Variants in ASCC3 observed in about 807,000 individuals in gnomAD.
ASCC3 encodes activating signal cointegrator 1 complex subunit 3, also known as ASC-1 complex subunit P200.
ASCC3 carries 158 observed loss-of-function variants against 256.3 expected under a neutral mutation model. The observed-to-expected ratio is 0.62, with a 90% CI of 0.54 to 0.70. The LOEUF is 0.70. Among genes scored for constraint, ASCC3 ranks in the 30% least tolerant of loss-of-function variants. ASCC3 has a pLI of 0.00. For synonymous variants in ASCC3, 948 were observed against 883.4 expected (o/e 1.07, Z -1.30); for missense variants, 2,259 against 2,626.0 (o/e 0.86, Z 3.05).
chr6:100,691,807 A>AT (rs1777863241), intron 13 of ASCC3, among the ~76,000 whole-genome samples: 1 of 151,996 alleles, frequency 6.6e-6, no homozygotes, highest in Admixed American at 6.6e-5. Context: ...CTTGTGCTGA[A>AT]TATCAGCAGT....
intron 4 of ASCC3, among the ~76,000 whole-genome samples, chr6:100,829,350 G>A (rs906198339): frequency 1.3e-5 from 2 of 151,812 alleles, no homozygotes; most frequent in Admixed American, 1.3e-4. Flanking sequence ...CAGGCATGGC[G>A]GGCTGCAGGT....
intron 36 of ASCC3, among the ~76,000 whole-genome samples, chr6:100,558,083 A>T (rs947137744): frequency 6.6e-6 from 1 of 151,788 alleles, no homozygotes. Flanking sequence ...AAAAAAAAAA[A>T]ACAAGGACAG....
chr6:100,864,949 T>C (rs1398379461), intron 2 of ASCC3, among the ~76,000 whole-genome samples: 1 of 152,150 alleles, frequency 6.6e-6, no homozygotes, highest in Non-Finnish European at 1.5e-5. Context: ...CTTTGATCCA[T>C]AGAGAAAACT....
chr6:100,555,226 CTACAA>C (rs1224815462), intron 36 of ASCC3, among the ~76,000 whole-genome samples: 7 of 152,028 alleles, frequency 4.6e-5, no homozygotes, highest in Admixed American at 2.6e-4. Flanking sequence ...GTTTACTCCA[CTACAA>C]TAAAGTATCA....
At chr6:100,879,680 TTGAGGTAGAAAC>T (rs1437661168) in intron 1 of ASCC3, among the ~76,000 whole-genome samples, 5 of 152,104 alleles carry the variant, frequency 3.3e-5, no homozygotes, top group African/African-American at 4.8e-5. Flanking sequence ...TTTATTTTTT[TTGAGGTAGAAAC>T]TGAGGTAGAA....
At chr6:100,622,545 T>C (rs144196145) in intron 30 of ASCC3, among the ~76,000 whole-genome samples, 4 of 152,190 alleles carry the variant, frequency 2.6e-5, no homozygotes, top group Admixed American at 2.0e-4. Flanking sequence ...TAGTTCTTTA[T>C]AGCAGTATGA....
chr6:100,693,981 A>C (rs1418318153), intron 13 of ASCC3, among the ~76,000 whole-genome samples: 1 of 152,138 alleles, frequency 6.6e-6, no homozygotes, highest in East Asian at 1.9e-4. Context: ...CATGACAGCA[A>C]TTCCTGTGAC....
intron 10 of ASCC3, among the ~76,000 whole-genome samples, chr6:100,753,947 T>C (rs1414734): frequency 0.46 from 69,435 of 151,968 alleles, 16,279 homozygotes; most frequent in Middle Eastern, 0.6. Flanking sequence ...TATATGACAC[T>C]GCAATTTCTT....
chr6:100,871,756 T>C (rs576019209), intron 1 of ASCC3, among the ~76,000 whole-genome samples: 2 of 152,296 alleles, frequency 1.3e-5, no homozygotes, highest in African/African-American at 2.4e-5. Flanking sequence ...CAGAAATCCA[T>C]GGCCTGAATT....
intron 8 of ASCC3, among the ~76,000 whole-genome samples, chr6:100,789,366 A>C (rs1019558315): frequency 6.6e-6 from 1 of 152,004 alleles, no homozygotes; most frequent in African/African-American, 2.4e-5. Context: ...CAAAGGATGT[A>C]CTGAGGAGGC....
intron 40 of ASCC3, 108 bp downstream of exon 40, chr6:100,512,601 G>T: frequency 8.6e-7 from 1 of 1,160,958 alleles, no homozygotes. Flanking sequence ...AGTTGAGAAA[G>T]CAGGATTCAT....
intron 4 of ASCC3, among the ~76,000 whole-genome samples, chr6:100,833,048 C>G (rs1004973391): frequency 6.6e-6 from 1 of 151,772 alleles, no homozygotes; most frequent in Non-Finnish European, 1.5e-5. Context: ...TTAGAAGCAA[C>G]CAACATATCC....
chr6:100,697,121 G>A (rs1778124002), intron 13 of ASCC3, among the ~76,000 whole-genome samples: 1 of 152,068 alleles, frequency 6.6e-6, no homozygotes, highest in Non-Finnish European at 1.5e-5. Flanking sequence ...ATGCATTTAT[G>A]CATTGGCTAC....
chr6:100,697,263 A>T (rs1358252366), intron 13 of ASCC3, among the ~76,000 whole-genome samples: 1 of 152,098 alleles, frequency 6.6e-6, no homozygotes, highest in Non-Finnish European at 1.5e-5. Context: ...TACCTAGTTA[A>T]CAAGGCAAAG....
At chr6:100,878,401 C>A (rs1315120254) in intron 1 of ASCC3, among the ~76,000 whole-genome samples, 1 of 152,024 alleles carries the variant, frequency 6.6e-6, no homozygotes, top group East Asian at 1.9e-4. Flanking sequence ...ATATTCCCCC[C>A]CAAAGTTGTG....
At chr6:100,667,086 TCATTTATGA>T (rs1265453808) in intron 14 of ASCC3, among the ~76,000 whole-genome samples, 1 of 152,234 alleles carries the variant, frequency 6.6e-6, no homozygotes, top group Non-Finnish European at 1.5e-5. Context: ...CATGATATTG[TCATTTATGA>T]CAAAATTATG....
At chr6:100,539,509 C>G (rs1002796061) in intron 37 of ASCC3, among the ~76,000 whole-genome samples, 1 of 151,878 alleles carries the variant, frequency 6.6e-6, no homozygotes, top group Non-Finnish European at 1.5e-5. Context: ...ATACTTCTCA[C>G]TTTTTTTTAT....
At chr6:100,695,735 A>G (rs1194792220) in intron 13 of ASCC3, among the ~76,000 whole-genome samples, 5 of 152,062 alleles carry the variant, frequency 3.3e-5, no homozygotes, top group Non-Finnish European at 7.4e-5. Context: ...TTCTCTCTCC[A>G]GAGGAGAGGA....
chr6:100,607,042 G>T lies in ASCC3; in HGVS notation c.4832C>A (p.Thr1611Asn). ...ATVRDSNLKL[T>N]LAFGIGMHHA... ...ATGCATTCCTATCCCGAAAGCAAGG[G>T]TCAGCTTGAGGTTGGAATCTCTTAC... Residue 1611 changes from threonine to asparagine, a missense_variant, in exon 31 of 42, where the codon ACC becomes AAC. Transcript: ENST00000369162. 1 of 1,613,616 alleles carries T rather than the reference G, an allele frequency of 6.2e-7. No individual in the cohort carries two copies.
Sources: gnomAD v4.1 joint callset for allele counts (sites outside exome capture counted in the v4.1 genomes callset) on GRCh38, gnomAD v4.1.1 for gene constraint, MANE v1.5 for transcripts, NCBI Gene and HGNC (gene_info 2026-07-23, HGNC 2026-07-21) for gene names.